Variants in DNAH5 observed in about 807,000 individuals in gnomAD.
The protein encoded by DNAH5 is dynein axonemal heavy chain 5.
A neutral mutation model predicts 518.2 loss-of-function variants in DNAH5; 372 were observed. That is an observed-to-expected ratio of 0.72 (90% CI 0.66 to 0.78). The LOEUF (loss-of-function observed/expected upper bound fraction) is 0.78, where lower values mean the gene tolerates loss of function less well. DNAH5 is among the 30% of genes least tolerant of loss of function. DNAH5 has a pLI of 0.00. For synonymous variants in DNAH5, 2,039 were observed against 2,025.9 expected (o/e 1.01, Z -0.17); for missense variants, 5,523 against 5,687.0 (o/e 0.97, Z 0.93).
intron 1 of DNAH5, among the ~76,000 whole-genome samples, chr5:13,972,250 T>C (rs1293775559): frequency 6.6e-6 from 1 of 152,120 alleles, no homozygotes; most frequent in South Asian, 2.1e-4. Context: ...AGCCTCCCTG[T>C]TGAGAAAGCA....
rs1561083403 is a variant in DNAH5 at position 13,707,471 on chromosome 5, C to T, written c.13338+652G>A. Among the ~76,000 whole-genome samples the T allele has an allele frequency of 6.6e-6, 1 of 152,296 alleles. No individual in the cohort carries two copies. The highest frequency in any genetic ancestry group is 1.9e-4 in the East Asian group (1 of 5,176). ...CAGATGGCAAAACTGAAAGAGTACA[C>T]TGTAACACATGCCCATTCGGGAGCT... On this transcript the variant is annotated intron_variant, in intron 76 of 78. Transcript: ENST00000265104. This position sits in a 1 kb window ranked among gnomAD's most constrained non-coding sequence, Gnocchi z 4.0.
At position 13,950,521 on chromosome 5, in the gene DNAH5, C is replaced by T. The variant is rs559597055; in HGVS notation, c.13-19277G>A. Among the ~76,000 whole-genome samples, 16 of 152,250 alleles carry T rather than the reference C, an allele frequency of 1.1e-4. No homozygotes were observed. In the East Asian group the frequency reaches 2.9e-3, roughly 28 times the overall value. On this transcript the variant is annotated intron_variant, in intron 1 of 78. Coordinates refer to the DNAH5 transcript ENST00000681290. ...GAACTCCTGACCTCAGGTGATCCAC[C>T]CACCTCAGCCTCCCAAAGTGCTGGG...
intron 65 of DNAH5, among the ~76,000 whole-genome samples, chr5:13,742,047 A>T (rs533204864): frequency 1.8e-4 from 27 of 152,288 alleles, no homozygotes; most frequent in Admixed American, 1.6e-3. Flanking sequence ...GAAGCATGAT[A>T]ATGCTTATTG....
Position 13,865,768 on chromosome 5 carries a change from A to G in DNAH5, c.4255T>C (p.Tyr1419His), listed in dbSNP as rs143328219. The G allele has an allele frequency of 2.2e-5, 36 of 1,610,638 alleles. No homozygotes were observed. The African/African-American group carries it at 4.5e-4, about 20-fold the overall frequency. Residue 1419 changes from tyrosine to histidine, a missense_variant, in exon 27 of 79, where the codon TAC becomes CAC. By Grantham distance (83) the Tyr-to-His change is moderately conservative. Transcript: ENST00000265104. ...LNLLQKIYTL[Y>H]NSVIETVNSY... ...TTTACAGTTTCTATGACACTGTTGTACAGAGTATATATTTTCTGTAGAAGA... is the reference window on the plus strand; with the variant it reads ...TTTACAGTTTCTATGACACTGTTGTGCAGAGTATATATTTTCTGTAGAAGA...
Position 13,691,756 on chromosome 5 carries a change from T to A in DNAH5, c.*228A>T, listed in dbSNP as rs1425492278. 2 of 556,932 alleles carry A rather than the reference T, an allele frequency of 3.6e-6. No individual in the cohort carries two copies. Among genetic ancestry groups the A allele is most frequent in the African/African-American group, 3.8e-5 (2 of 52,832 alleles). The allele number at this position is 556,932 out of a possible 1,614,324, so 34.5% of individuals were successfully genotyped here. The stretch of plus-strand genomic sequence containing the variant: ...CCACACTTCATTAGGATGCTGTAAA[T>A]TTACTTTTATATCACTAAATAACAT... On this transcript the variant is annotated 3_prime_UTR_variant, in exon 79 of 79. Coordinates refer to ENST00000265104, the MANE Select transcript of DNAH5 (RefSeq NM_001369.3).
chr5:13,726,587 G>A (rs1382812988), intron 70 of DNAH5, among the ~76,000 whole-genome samples: 2 of 152,210 alleles, frequency 1.3e-5, no homozygotes, highest in Non-Finnish European at 1.5e-5. Context: ...AGTTGGGCAG[G>A]ATAAAAGTAA....
At chr5:13,711,854 T>C (rs1743520843) in intron 75 of DNAH5, among the ~76,000 whole-genome samples, 1 of 152,110 alleles carries the variant, frequency 6.6e-6, no homozygotes, top group African/African-American at 2.4e-5. Flanking sequence ...TACAAAACAA[T>C]GCTGAAAGAA....
At chr5:13,949,575 G>A (rs1780211706), upstream of DNAH5, among the ~76,000 whole-genome samples, 1 of 152,228 alleles carries the variant, frequency 6.6e-6, no homozygotes, top group African/African-American at 2.4e-5. Flanking sequence ...GGATGGGCAA[G>A]AGAGGAGAAA....
At chr5:13,778,295 C>T (rs1020847203) in intron 53 of DNAH5, among the ~76,000 whole-genome samples, 2 of 151,716 alleles carry the variant, frequency 1.3e-5, no homozygotes, top group Non-Finnish European at 2.9e-5. Context: ...CTAAAAGACA[C>T]CTAGAGAAGT....
At chr5:13,727,445 T>C (rs1290703077) in intron 70 of DNAH5, 62 bp downstream of exon 70, 2 of 1,463,094 alleles carry the variant, frequency 1.4e-6, no homozygotes, top group Non-Finnish European at 9.3e-7. Flanking sequence ...TTTTTTTTAA[T>C]TTAAAAGAAA....
At chr5:13,965,893 C>A (rs1781491406) in intron 1 of DNAH5, among the ~76,000 whole-genome samples, 1 of 152,090 alleles carries the variant, frequency 6.6e-6, no homozygotes, top group African/African-American at 2.4e-5. Flanking sequence ...ACAGGTGTAA[C>A]CATAGATACC....
At chr5:13,908,923 C>T (rs1040307157) in intron 12 of DNAH5, among the ~76,000 whole-genome samples, 4 of 151,998 alleles carry the variant, frequency 2.6e-5, no homozygotes, top group African/African-American at 9.7e-5. Flanking sequence ...GTATTTTTGC[C>T]CCAGTTTTAT....
intron 15 of DNAH5, among the ~76,000 whole-genome samples, chr5:13,895,049 AGGT>A (rs1773731865): frequency 0.02 from 4 of 202 alleles, 2 homozygotes; most frequent in Non-Finnish European, 0.05. Flanking sequence ...GCGGATCACG[AGGT>A]CAGGAGATCG....
intron 22 of DNAH5, among the ~76,000 whole-genome samples, chr5:13,873,003 G>A (rs1770348102): frequency 1.3e-5 from 2 of 152,152 alleles, no homozygotes; most frequent in Admixed American, 1.3e-4. Context: ...TTCACTAACA[G>A]ATACAATGTA....
intron 52 of DNAH5, among the ~76,000 whole-genome samples, chr5:13,785,555 T>C (rs1755858599): frequency 1.3e-5 from 2 of 152,216 alleles, no homozygotes; most frequent in Non-Finnish European, 2.9e-5. Context: ...CTAAGTATAT[T>C]GTTCAATATC....
intron 35 of DNAH5, among the ~76,000 whole-genome samples, chr5:13,835,453 G>A (rs1764249417): frequency 6.6e-6 from 1 of 152,140 alleles, no homozygotes; most frequent in Admixed American, 6.5e-5. Flanking sequence ...GCAAATGCTG[G>A]TGATTAGAAA....
In DNAH5 at chr5:13,785,207, G is replaced by A. The variant is rs115546983; in HGVS notation, c.8820+972C>T. Among the ~76,000 whole-genome samples, 742 of 151,720 alleles carry A rather than the reference G, an allele frequency of 4.9e-3. 3 individuals carry two copies. Among genetic ancestry groups the A allele is most frequent in the Non-Finnish European group, 7.1e-3 (483 of 67,944 alleles). ...CAGGCATTCCATTCTCATAAGGAGC[G>A]TGCAACTAGATCCTTCACATGAGCA... is the stretch of plus-strand genomic sequence containing the variant. On this transcript the variant is annotated intron_variant, in intron 52 of 78. Coordinates refer to ENST00000265104, the MANE Select transcript of DNAH5 (RefSeq NM_001369.3).
At chr5:13,694,840 GC>G (rs1393632092) in intron 78 of DNAH5, among the ~76,000 whole-genome samples, 1 of 152,118 alleles carries the variant, frequency 6.6e-6, no homozygotes, top group Non-Finnish European at 1.5e-5. Context: ...TGTGAGCTAA[GC>G]ATGTTAATAA....
chr5:13,771,612 T>G (rs1753347027), intron 55 of DNAH5, among the ~76,000 whole-genome samples: 1 of 152,162 alleles, frequency 6.6e-6, no homozygotes, highest in Admixed American at 6.5e-5. Context: ...CAGCCTTCCC[T>G]GCTATGGGAA....
Sources: allele counts gnomAD v4.1 joint callset (sites outside exome capture counted in the v4.1 genomes callset), GRCh38; gene constraint gnomAD v4.1.1; non-coding constraint Gnocchi (gnomAD v3.1); transcripts MANE v1.5; gene names NCBI Gene and HGNC (gene_info 2026-07-23, HGNC 2026-07-21).